C21orf91: variants seen among roughly 807,000 people sequenced by gnomAD.
The protein encoded by C21orf91 is chromosome 21 open reading frame 91, also known as protein EURL homolog.
Under a neutral mutation model 32.9 loss-of-function variants are expected in C21orf91, and 26 were observed. The ratio of observed to expected loss-of-function variants is 0.79; its 90% confidence interval spans 0.58 to 1.10. C21orf91 has a LOEUF of 1.10. Among genes scored for constraint, C21orf91 ranks in the 50% least tolerant of loss-of-function variants. The probability of loss-of-function intolerance (pLI) is 0.00; values close to 1 mark genes in which losing one functional copy is unlikely to be tolerated. For missense variants in C21orf91, 310 were observed against 341.3 expected (o/e 0.91, Z 0.72); for synonymous variants, 126 against 120.4 (o/e 1.05, Z -0.31).
chr21:17,818,357 A>G (rs2062679285), intron 1 of C21orf91, 32 bp from the exon 2 acceptor site: 1 of 1,574,998 alleles, frequency 6.3e-7, no homozygotes, highest in Non-Finnish European at 8.6e-7. Context: ...AAGTTACACA[A>G]TTTCATGAAC....
At chr21:17,802,793 C>G (rs1440118870) in intron 2 of C21orf91, among the ~76,000 whole-genome samples, 2 of 152,234 alleles carry the variant, frequency 1.3e-5, no homozygotes, top group Non-Finnish European at 2.9e-5. Context: ...TGCCTTTATA[C>G]TTCACACATT....
chr21:17,797,895 GCTA>G (rs2062531924), intron 2 of C21orf91, among the ~76,000 whole-genome samples: 1 of 151,850 alleles, frequency 6.6e-6, no homozygotes, highest in African/African-American at 2.4e-5. Flanking sequence ...GTATAAGTAT[GCTA>G]CCTCAATTGT....
In C21orf91 at chr21:17,793,327, C is replaced by A; in HGVS notation, c.*88G>T. Reference sequence around the variant, plus strand: ...GGCAAATTTAATGACCATAAAAAAACGGACCACAACTTTCTTCAAACTTCT... The same window carrying A: ...GGCAAATTTAATGACCATAAAAAAAAGGACCACAACTTTCTTCAAACTTCT... On this transcript the variant is annotated 3_prime_UTR_variant, in exon 5 of 5. Coordinates refer to ENST00000284881, the MANE Select transcript of C21orf91 (RefSeq NM_001100420.2). 3.0e-6 allele frequency: 3 copies of A among 1,016,574 alleles called. No individual in the cohort carries two copies. Among genetic ancestry groups the A allele is most frequent in the Non-Finnish European group, 4.1e-6 (3 of 725,720 alleles). The allele number at this position is 1,016,574 out of a possible 1,614,324, so 63.0% of individuals were successfully genotyped here.
intron 2 of C21orf91, among the ~76,000 whole-genome samples, chr21:17,805,543 A>G (rs538173668): frequency 2.6e-5 from 4 of 152,144 alleles, no homozygotes; most frequent in African/African-American, 7.2e-5. Flanking sequence ...CAAACTCCTG[A>G]TATCAGGTGA....
chr21:17,818,628 C>T (rs1234685563), intron 1 of C21orf91, among the ~76,000 whole-genome samples: 2 of 152,240 alleles, frequency 1.3e-5, no homozygotes, highest in Non-Finnish European at 2.9e-5. Flanking sequence ...AGTCCTCCTC[C>T]TTCGTCCCCC....
chr21:17,818,105 G>A, intron 2 of C21orf91, 87 bp downstream of exon 2: 1 of 877,742 alleles, frequency 1.1e-6, no homozygotes, highest in East Asian at 2.6e-5. Flanking sequence ...TCCAATCATT[G>A]AAGACATTTT....
In C21orf91 at chr21:17,795,621, C is replaced by T. The variant is rs577516134; in HGVS notation, c.665-351G>A. Among the ~76,000 whole-genome samples, 382 of 152,148 alleles carry T rather than the reference C, an allele frequency of 2.5e-3. 4 individuals are homozygous for T. The highest frequency in any genetic ancestry group is 2.3e-3 in the East Asian group (12 of 5,172). ...CCTCCCTAGGAGCTGGAATCATAGG[C>T]GTGTGCCACCACACCTAATTTTTTT... On this transcript the variant is annotated intron_variant, in intron 3 of 4. Coordinates refer to ENST00000284881, the MANE Select transcript of C21orf91 (RefSeq NM_001100420.2).
Position 17,793,270 on chromosome 21 carries a change from T to C in C21orf91, c.*145A>G, listed in dbSNP as rs2062491285. 3.8e-6 allele frequency: 2 copies of C among 533,084 alleles called. No individual in the cohort carries two copies. Among genetic ancestry groups the C allele is most frequent in the African/African-American group, 3.8e-5 (2 of 52,746 alleles). 33.0% of individuals were successfully genotyped at this position (533,084 alleles called of 1,614,324 possible). A position where few individuals can be genotyped will look rare whatever the true frequency, so the allele number is the denominator to read the frequency against. On this transcript the variant is annotated 3_prime_UTR_variant, in exon 5 of 5. Transcript: ENST00000284881. ...ACTAGAGTATAATGATCTGCTTTAT[T>C]TGACAAAGATGTTAAATACTGCCTT... is the stretch of plus-strand genomic sequence containing the variant.
intron 2 of C21orf91, among the ~76,000 whole-genome samples, chr21:17,805,442 T>C (rs920339026): frequency 5.9e-5 from 9 of 152,188 alleles, no homozygotes; most frequent in Non-Finnish European, 1.2e-4. Flanking sequence ...GCCTCCCGGG[T>C]AGCCAGGATT....
rs1453718599 is a variant in C21orf91, at chr21:17,790,317, C to T, written c.*3098G>A. On this transcript the variant is annotated 3_prime_UTR_variant, in exon 5 of 5. Coordinates refer to ENST00000284881, the MANE Select transcript of C21orf91 (RefSeq NM_001100420.2). ...GATCTAAAAGCTTACTTTAAAAAAA[C>T]TACAAAAATGGACTAACAAGCCTTA... The T allele has an allele frequency of 6.6e-6, 1 of 151,884 alleles. No homozygotes were observed. Among genetic ancestry groups the T allele is most frequent in the Non-Finnish European group, 1.5e-5 (1 of 67,854 alleles). 9.4% of individuals were successfully genotyped at this position (151,884 alleles called of 1,614,324 possible). A position where few individuals can be genotyped will look rare whatever the true frequency, so the allele number is the denominator to read the frequency against.
At chr21:17,802,117 G>A (rs760187235) in intron 2 of C21orf91, among the ~76,000 whole-genome samples, 4 of 152,104 alleles carry the variant, frequency 2.6e-5, no homozygotes, top group South Asian at 2.1e-4. Flanking sequence ...TCCTAAAAGT[G>A]CAAAGACTAC....
At chr21:17,807,313 T>C (rs1285421036) in intron 2 of C21orf91, among the ~76,000 whole-genome samples, 1 of 152,130 alleles carries the variant, frequency 6.6e-6, no homozygotes, top group Non-Finnish European at 1.5e-5. Context: ...TCTCTCACCA[T>C]GTAAGATGTG....
Position 17,818,010 on chromosome 21 carries a change from A to C in C21orf91, c.127+182T>G, listed in dbSNP as rs570143351. 5 of 417,762 alleles carry C rather than the reference A, an allele frequency of 1.2e-5. 1 individual carries two copies. The highest frequency in any genetic ancestry group is 2.1e-5 in the Non-Finnish European group (5 of 238,092). The allele number at this position is 417,762 out of a possible 1,614,324, so 25.9% of individuals were successfully genotyped here. A position where few individuals can be genotyped will look rare whatever the true frequency, so the allele number is the denominator to read the frequency against. On this transcript the variant is annotated intron_variant, in intron 2 of 4. Transcript: ENST00000284881. The stretch of plus-strand genomic sequence containing the variant: ...TCTTTAAAAAAAAAAGATTTCTCTT[A>C]AATTCGTAACTCTGTTAACTGCACC...
At chr21:17,795,002 C>T (rs866741250) in intron 4 of C21orf91, among the ~76,000 whole-genome samples, 5 of 129,808 alleles carry the variant, frequency 3.9e-5, no homozygotes, top group South Asian at 2.4e-4. Context: ...AAGATTCTGT[C>T]GCAAAAAAAA....
intron 2 of C21orf91, among the ~76,000 whole-genome samples, chr21:17,800,187 T>C (rs2062549319): frequency 6.6e-6 from 1 of 152,226 alleles, no homozygotes; most frequent in Non-Finnish European, 1.5e-5. Flanking sequence ...AGCTCATTCA[T>C]CTAGATATAT....
At position 17,791,244 on chromosome 21, in the gene C21orf91, G is replaced by C. The variant is rs189772349; in HGVS notation, c.*2171C>G. ...ACTAGGAACTCATCCAAATAAAGTAGTGTGAGTACCAGCACCACAAAGTTT... is the reference window on the plus strand; with the variant it reads ...ACTAGGAACTCATCCAAATAAAGTACTGTGAGTACCAGCACCACAAAGTTT... On this transcript the variant is annotated 3_prime_UTR_variant, in exon 5 of 5. Coordinates refer to ENST00000284881, the MANE Select transcript of C21orf91 (RefSeq NM_001100420.2). 6.6e-6 allele frequency: 1 copy of C among 152,232 alleles called. No individual in the cohort carries two copies. 9.4% of individuals were successfully genotyped at this position (152,232 alleles called of 1,614,324 possible).
chr21:17,799,775 TACTC>T (rs1462836096), intron 2 of C21orf91, among the ~76,000 whole-genome samples: 1 of 152,208 alleles, frequency 6.6e-6, no homozygotes, highest in Non-Finnish European at 1.5e-5. Flanking sequence ...ATGTCTATCT[TACTC>T]ATATATTCTC....
intron 1 of C21orf91, among the ~76,000 whole-genome samples, chr21:17,818,697 A>G (rs1335024643): frequency 6.6e-6 from 1 of 152,228 alleles, no homozygotes; most frequent in Non-Finnish European, 1.5e-5. Context: ...GGTTCTGTCA[A>G]CCTAGTTAAC....
rs150216569 is a variant in C21orf91 at position 17,795,686 on chromosome 21, T to C, written c.665-416A>G. Among the ~76,000 whole-genome samples, 92 of 152,264 alleles carry C rather than the reference T, an allele frequency of 6.0e-4. 1 individual carries two copies. The East Asian group carries it at 0.012, about 21-fold the overall frequency. Reference sequence around the variant, plus strand: ...TGGGGTCTCCCTGTGTTGTCTAGGCTGGTCTTGAACTCCTGGGCTCCAGTG... The same window carrying C: ...TGGGGTCTCCCTGTGTTGTCTAGGCCGGTCTTGAACTCCTGGGCTCCAGTG... On this transcript the variant is annotated intron_variant, in intron 3 of 4. Coordinates refer to ENST00000284881, the MANE Select transcript of C21orf91 (RefSeq NM_001100420.2).
Sources: allele counts gnomAD v4.1 joint callset (sites outside exome capture counted in the v4.1 genomes callset), GRCh38; gene constraint gnomAD v4.1.1; transcripts MANE v1.5; gene names NCBI Gene and HGNC (gene_info 2026-07-23, HGNC 2026-07-21).